IPCEF1: variants seen among roughly 807,000 people sequenced by gnomAD.
IPCEF1 encodes interaction protein for cytohesin exchange factors 1.
A neutral mutation model predicts 50.9 loss-of-function variants in IPCEF1; 31 were observed. The observed-to-expected ratio is 0.61, with a 90% CI of 0.46 to 0.82. The LOEUF (loss-of-function observed/expected upper bound fraction) is 0.82. Ranked by LOEUF, IPCEF1 falls within the 40% of genes least tolerant of loss-of-function variation. The probability of loss-of-function intolerance (pLI) is 0.00; values close to 1 mark genes in which losing one functional copy is unlikely to be tolerated. For missense variants in IPCEF1, 458 were observed against 514.0 expected (o/e 0.89, Z 1.05); for synonymous variants, 181 against 192.0 (o/e 0.94, Z 0.47).
intron 3 of IPCEF1, among the ~76,000 whole-genome samples, chr6:154,258,214 G>A (rs564449214): frequency 8.1e-4 from 124 of 152,154 alleles, no homozygotes; most frequent in Admixed American, 1.4e-3. Context: ...TTTATTTGTA[G>A]CCCCTGTAAT....
At chr6:154,325,576 C>A (rs1213646962) in intron 1 of IPCEF1, among the ~76,000 whole-genome samples, 1 of 152,208 alleles carries the variant, frequency 6.6e-6, no homozygotes, top group Non-Finnish European at 1.5e-5. Context: ...GCCTGAGCAT[C>A]TACTTTCTGC....
At chr6:154,207,075 T>C (rs1777558506) in intron 9 of IPCEF1, among the ~76,000 whole-genome samples, 1 of 152,086 alleles carries the variant, frequency 6.6e-6, no homozygotes, top group African/African-American at 2.4e-5. Flanking sequence ...AGAGAGGGAC[T>C]AGAGACAGGG....
intron 1 of IPCEF1, among the ~76,000 whole-genome samples, chr6:154,294,545 G>A (rs1192421250): frequency 2.0e-5 from 3 of 152,156 alleles, no homozygotes; most frequent in African/African-American, 4.8e-5. Flanking sequence ...GCACAGGGAG[G>A]TGTGTGCACT....
At chr6:154,209,189 T>C (rs1777754451) in intron 9 of IPCEF1, among the ~76,000 whole-genome samples, 1 of 152,232 alleles carries the variant, frequency 6.6e-6, no homozygotes, top group Non-Finnish European at 1.5e-5. Flanking sequence ...CAAAATAGTA[T>C]TATTTTATAC....
intron 2 of IPCEF1, among the ~76,000 whole-genome samples, chr6:154,270,532 A>C (rs1781875360): frequency 6.6e-6 from 1 of 152,210 alleles, no homozygotes. Flanking sequence ...TATCTGTTTT[A>C]TTCAATCACT....
intron 1 of IPCEF1, among the ~76,000 whole-genome samples, chr6:154,351,606 T>C (rs1244198097): frequency 2.0e-4 from 31 of 152,204 alleles, no homozygotes; most frequent in Admixed American, 2.0e-3. Context: ...ACAAAACCTT[T>C]AACATAAATG....
rs1375067375 is a variant in IPCEF1 at position 154,247,430 on chromosome 6, A to C, written c.76+19T>G. 2 of 1,605,726 alleles carry C rather than the reference A, an allele frequency of 1.2e-6. No homozygotes were observed. Among genetic ancestry groups the C allele is most frequent in the Non-Finnish European group, 8.5e-7 (1 of 1,173,222 alleles). On this transcript the variant is annotated intron_variant, in intron 4 of 11. Transcript: ENST00000367220. ...ACGTACACAAAATGGAGATAAAGAA[A>C]CAAAAGAGATCTAATTACCTTGAGT...
At chr6:154,264,847 G>A (rs1781713710) in intron 3 of IPCEF1, among the ~76,000 whole-genome samples, 1 of 151,988 alleles carries the variant, frequency 6.6e-6, no homozygotes, top group East Asian at 1.9e-4. Flanking sequence ...TTACTAAGGT[G>A]TCCCTTTCAG....
At position 154,157,625 on chromosome 6, in the gene IPCEF1, A is replaced by C. The variant is rs2128544626; in HGVS notation, c.*2203T>G. On this transcript the variant is annotated 3_prime_UTR_variant, in exon 12 of 12. Transcript: ENST00000367220. Reference sequence around the variant, plus strand: ...GGAAAGCATTCAAAGCTATTCACAAACCCTGCTCAAAAGTGTCTGGAGCTC... The same window carrying C: ...GGAAAGCATTCAAAGCTATTCACAACCCCTGCTCAAAAGTGTCTGGAGCTC... The C allele has an allele frequency of 6.6e-6, 1 of 152,344 alleles. No individual in the cohort carries two copies. Among genetic ancestry groups the C allele is most frequent in the Non-Finnish European group, 1.5e-5 (1 of 68,040 alleles). The allele number at this position is 152,344 out of a possible 1,614,324, so 9.4% of individuals were successfully genotyped here.
chr6:154,254,771 A>G (rs867275144), intron 3 of IPCEF1, among the ~76,000 whole-genome samples: 3 of 152,234 alleles, frequency 2.0e-5, no homozygotes, highest in South Asian at 2.1e-4. Flanking sequence ...TATAAGGACC[A>G]TATGACTACA....
At chr6:154,258,290 T>C (rs1176308770) in intron 3 of IPCEF1, among the ~76,000 whole-genome samples, 2 of 152,178 alleles carry the variant, frequency 1.3e-5, no homozygotes, top group East Asian at 1.9e-4. Flanking sequence ...TGTTCACAGA[T>C]GAGGAACTTC....
At chr6:154,304,536 A>G (rs530364751) in intron 1 of IPCEF1, among the ~76,000 whole-genome samples, 89 of 152,340 alleles carry the variant, frequency 5.8e-4, no homozygotes, top group Non-Finnish European at 1.2e-3. Flanking sequence ...ATAAATGAAT[A>G]AAAGAAGACA....
At chr6:154,281,306 T>C (rs991846775) in intron 2 of IPCEF1, among the ~76,000 whole-genome samples, 2 of 149,154 alleles carry the variant, frequency 1.3e-5, no homozygotes, top group Admixed American at 1.3e-4. Flanking sequence ...TGAGGCGAGA[T>C]AGCGCCACTA....
At chr6:154,190,873 G>A (rs1020696116) in intron 10 of IPCEF1, among the ~76,000 whole-genome samples, 10 of 151,992 alleles carry the variant, frequency 6.6e-5, no homozygotes, top group Non-Finnish European at 1.5e-4. Flanking sequence ...TGGCTAACAC[G>A]GTGAAACCCC....
intron 3 of IPCEF1, among the ~76,000 whole-genome samples, chr6:154,262,593 C>T (rs1781628043): frequency 6.6e-6 from 1 of 152,064 alleles, no homozygotes; most frequent in Admixed American, 6.6e-5. Context: ...ATTTCCAGTT[C>T]TTCTTAAACA....
intron 2 of IPCEF1, among the ~76,000 whole-genome samples, chr6:154,277,470 C>A (rs1490375661): frequency 1.3e-5 from 2 of 152,160 alleles, no homozygotes; most frequent in Non-Finnish European, 2.9e-5. Context: ...CACCTAAGTA[C>A]AATATTTAGC....
At chr6:154,340,309 G>A (rs890671758) in intron 1 of IPCEF1, among the ~76,000 whole-genome samples, 1 of 151,858 alleles carries the variant, frequency 6.6e-6, no homozygotes, top group Non-Finnish European at 1.5e-5. Flanking sequence ...GGAGTGCAGT[G>A]GTGTGATCTC....
At chr6:154,331,360 A>G (rs1290114646) in intron 1 of IPCEF1, among the ~76,000 whole-genome samples, 2 of 139,044 alleles carry the variant, frequency 1.4e-5, no homozygotes, top group African/African-American at 5.4e-5. Context: ...AGGAAAGAGA[A>G]AGAAAGAAAG....
In IPCEF1 at chr6:154,168,855, C is replaced by T. The variant is rs1326791080; in HGVS notation, c.911-742G>A. ...TCCTGACTTTGGGTGATCCGCCCAC[C>T]TTGGCCTCCCAAAGTGCTGGGATTA... is the stretch of plus-strand genomic sequence containing the variant. On this transcript the variant is annotated intron_variant, in intron 10 of 11. Coordinates refer to ENST00000367220, the MANE Select transcript of IPCEF1 (RefSeq NM_001130700.2). This position sits in a 1 kb window ranked among gnomAD's most constrained non-coding sequence, Gnocchi z 4.1. Among the ~76,000 whole-genome samples, 1 of 152,040 alleles carries T rather than the reference C, an allele frequency of 6.6e-6. No individual in the cohort carries two copies. The highest frequency in any genetic ancestry group is 1.5e-5 in the Non-Finnish European group (1 of 68,012).
Sources: gnomAD v4.1 joint callset for allele counts (sites outside exome capture counted in the v4.1 genomes callset) on GRCh38, gnomAD v4.1.1 for gene constraint, Gnocchi (gnomAD v3.1) non-coding constraint, MANE v1.5 for transcripts, NCBI Gene and HGNC (gene_info 2026-07-23, HGNC 2026-07-21) for gene names.